The following GRIP1 variants were observed in gnomAD, a reference collection of about 807,000 sequenced individuals.
The protein encoded by GRIP1 is glutamate receptor-interacting protein 1.
Under a neutral mutation model 129.9 loss-of-function variants are expected in GRIP1, and 45 were observed. The observed-to-expected ratio is 0.35, with a 90% confidence interval of 0.27 to 0.44. The LOEUF (loss-of-function observed/expected upper bound fraction) is 0.44, where lower values mean the gene tolerates loss of function less well. Among genes scored for constraint, GRIP1 ranks in the 20% least tolerant of loss-of-function variants. The pLI, the probability that GRIP1 is intolerant of heterozygous loss-of-function variation, is 1.00. For missense variants in GRIP1, 1,196 were observed against 1,396.8 expected, an observed-to-expected ratio of 0.86 and a Z score of 2.29; for synonymous variants, 530 against 520.8, an observed-to-expected ratio of 1.02 and a Z score of -0.24.
intron 23 of GRIP1, among the ~76,000 whole-genome samples, chr12:66,354,758 T>C (rs7973671): frequency 0.025 from 3,754 of 152,248 alleles, 163 homozygotes; most frequent in African/African-American, 0.084. Context: ...ATAGCAAGTA[T>C]CTTTGTTTAT....
chr12:66,630,206 T>G (rs571198929), intron 1 of GRIP1: 232 of 152,164 alleles, frequency 1.5e-3, no homozygotes, highest in African/African-American at 5.3e-3. Flanking sequence ...CAAAATTATC[T>G]GGGCATGGTG....
At chr12:66,952,826 G>C (rs2041779280) in intron 1 of GRIP1, among the ~76,000 whole-genome samples, 1 of 152,132 alleles carries the variant, frequency 6.6e-6, no homozygotes, top group Non-Finnish European at 1.5e-5. Flanking sequence ...CATGATCCAG[G>C]CCTAGAATAC....
chr12:66,624,817 G>A (rs1391816139), intron 1 of GRIP1, among the ~76,000 whole-genome samples: 1 of 152,012 alleles, frequency 6.6e-6, no homozygotes, highest in Non-Finnish European at 1.5e-5. Context: ...CATTTAGCAC[G>A]AGCAACATTT....
intron 1 of GRIP1, among the ~76,000 whole-genome samples, chr12:66,985,431 C>T (rs1353067950): frequency 9.9e-5 from 15 of 152,102 alleles, no homozygotes; most frequent in Admixed American, 9.8e-4. Context: ...TAAGTGATAT[C>T]AGCAATGTCC....
intron 1 of GRIP1, among the ~76,000 whole-genome samples, chr12:66,673,883 C>A (rs1306035026): frequency 3.9e-5 from 6 of 152,162 alleles, no homozygotes; most frequent in Admixed American, 3.9e-4. Flanking sequence ...GACAGACTTA[C>A]TTTGTGAAAT....
At chr12:67,052,569 C>A (rs770495772) in intron 1 of GRIP1, among the ~76,000 whole-genome samples, 7 of 152,004 alleles carry the variant, frequency 4.6e-5, no homozygotes, top group Non-Finnish European at 1.0e-4. Flanking sequence ...ACCATCCTGG[C>A]TAATACAGTG....
intron 7 of GRIP1, among the ~76,000 whole-genome samples, chr12:66,478,068 A>C (rs1292821595): frequency 6.6e-6 from 1 of 152,246 alleles, no homozygotes; most frequent in Non-Finnish European, 1.5e-5. Context: ...CAGCAAAAGA[A>C]ACTACCGTCA....
At chr12:66,855,196 C>T (rs182221100) in intron 1 of GRIP1, among the ~76,000 whole-genome samples, 11 of 152,038 alleles carry the variant, frequency 7.2e-5, no homozygotes, top group Admixed American at 2.6e-4. Context: ...ACATGAGGCA[C>T]ATTATATAAC....
At chr12:66,449,440 G>A (rs368435930) in intron 11 of GRIP1, among the ~76,000 whole-genome samples, 1 of 147,218 alleles carries the variant, frequency 6.8e-6, no homozygotes, top group Non-Finnish European at 1.5e-5. Context: ...TCTAGGAGGA[G>A]TAAGAAAAAA....
At chr12:66,752,163 A>C (rs2037147316) in intron 1 of GRIP1, among the ~76,000 whole-genome samples, 1 of 152,196 alleles carries the variant, frequency 6.6e-6, no homozygotes, top group African/African-American at 2.4e-5. Flanking sequence ...AACAAAGTAT[A>C]ATGTAACAGT....
chr12:66,979,253 A>AAAAAC (rs1566104110), intron 1 of GRIP1, among the ~76,000 whole-genome samples: 1 of 134,726 alleles, frequency 7.4e-6, no homozygotes, highest in East Asian at 2.0e-4. Flanking sequence ...AAAAAAAAAA[A>AAAAAC]ACAAGCCCGT....
chr12:66,425,813 G>A (rs1352294917), intron 14 of GRIP1, among the ~76,000 whole-genome samples: 2 of 151,740 alleles, frequency 1.3e-5, no homozygotes, highest in African/African-American at 4.8e-5. Context: ...CACACACCGG[G>A]GACAGTTGTG....
In GRIP1 at chr12:66,492,996, ACT is replaced by A. The variant is rs567753458; in HGVS notation, c.724+22621_724+22622del. Among the ~76,000 whole-genome samples, 21 of 152,258 alleles carry A rather than the reference ACT, an allele frequency of 1.4e-4. No homozygotes were observed. The South Asian group carries it at 3.7e-3, about 27-fold the overall frequency. On this transcript the variant is annotated intron_variant, in intron 7 of 24. Transcript: ENST00000359742. ...CTGCACTCCAGCCTGGGTGACAGAG[ACT>A]CTGTCTCAAAACAAACAAACAAACA...
chr12:66,971,603 T>C (rs558872569), intron 1 of GRIP1, among the ~76,000 whole-genome samples: 2 of 152,308 alleles, frequency 1.3e-5, no homozygotes, highest in South Asian at 4.1e-4. Flanking sequence ...GAGGAACTTA[T>C]ATTCTAGTGA....
At chr12:66,930,629 G>T (rs1422380511) in intron 1 of GRIP1, among the ~76,000 whole-genome samples, 3 of 152,154 alleles carry the variant, frequency 2.0e-5, no homozygotes, top group African/African-American at 7.2e-5. Context: ...AATGTCTGAA[G>T]TTTATCTGAA....
Position 66,417,524 on chromosome 12 carries a change from T to C in GRIP1, c.1838+3196A>G, listed in dbSNP as rs925026735. ...TTATCCTTGCTTGCAGAAGACATGA[T>C]CTTATATTTGGAAAAACCTGAAGAC... On this transcript the variant is annotated intron_variant, in intron 15 of 24. Transcript: ENST00000359742. 2.6e-5 allele frequency among the ~76,000 whole-genome samples: 4 copies of C among 152,128 alleles called. No individual in the cohort carries two copies. The East Asian group carries it at 7.7e-4, about 29-fold the overall frequency.
chr12:66,450,400 C>T (rs976825602), intron 11 of GRIP1, among the ~76,000 whole-genome samples: 1 of 147,282 alleles, frequency 6.8e-6, no homozygotes, highest in African/African-American at 2.5e-5. Context: ...TATAGTGAAG[C>T]CTTCTCAAAG....
chr12:66,983,968 A>G (rs1420299266), intron 1 of GRIP1, among the ~76,000 whole-genome samples: 2 of 152,166 alleles, frequency 1.3e-5, no homozygotes, highest in Non-Finnish European at 2.9e-5. Flanking sequence ...TTTGCAGCAC[A>G]CAGAAGATGT....
At chr12:67,025,411 A>G (rs2042928175) in intron 1 of GRIP1, among the ~76,000 whole-genome samples, 2 of 151,144 alleles carry the variant, frequency 1.3e-5, no homozygotes, top group South Asian at 4.3e-4. Context: ...CCTATGAAAA[A>G]AACTGCAATT....
Sources: allele counts gnomAD v4.1 joint callset (sites outside exome capture counted in the v4.1 genomes callset), GRCh38; gene constraint gnomAD v4.1.1; transcripts MANE v1.5; gene names NCBI Gene and HGNC (gene_info 2026-07-23, HGNC 2026-07-21).